Variants in APLP2 observed in about 807,000 individuals in gnomAD.
The protein encoded by APLP2 is CDEI box-binding protein.
A neutral mutation model predicts 89.9 loss-of-function variants in APLP2; 53 were observed. The observed-to-expected ratio is 0.59, with a 90% CI of 0.47 to 0.74. The LOEUF is 0.74. Ranked by LOEUF, APLP2 falls within the 30% of genes least tolerant of loss-of-function variation. The probability of loss-of-function intolerance (pLI) is 0.00; values close to 1 mark genes in which losing one functional copy is unlikely to be tolerated. For synonymous variants in APLP2, 372 were observed against 348.6 expected (o/e 1.07, Z -0.75); for missense variants, 973 against 975.9 (o/e 1.00, Z 0.04).
intron 1 of APLP2, among the ~76,000 whole-genome samples, chr11:130,107,660 G>A (rs7125409): frequency 0.22 from 33,666 of 152,034 alleles, 5,193 homozygotes; most frequent in East Asian, 0.43. Context: ...TGTAGATTCA[G>A]TGCCATCCCC....
At chr11:130,120,146 G>A (rs1192417328) in intron 3 of APLP2, among the ~76,000 whole-genome samples, 2 of 152,192 alleles carry the variant, frequency 1.3e-5, no homozygotes, top group Non-Finnish European at 2.9e-5. Context: ...CAGTTTGCTC[G>A]TTATCAGTGG....
chr11:130,081,464 G>A (rs1943139816), intron 1 of APLP2, among the ~76,000 whole-genome samples: 1 of 152,190 alleles, frequency 6.6e-6, no homozygotes, highest in Admixed American at 6.5e-5. Flanking sequence ...ATAAAAAGGA[G>A]GGAAAATGTT....
intron 1 of APLP2, among the ~76,000 whole-genome samples, chr11:130,079,897 A>G (rs1336118132): frequency 6.6e-6 from 1 of 152,222 alleles, no homozygotes; most frequent in African/African-American, 2.4e-5. Flanking sequence ...AAGAGTTTAT[A>G]TTCTAAGTTT....
rs34805457 is a variant in APLP2 at position 130,138,581 on chromosome 11, G to GTTTT, written c.1838-1796_1838-1793dup. Among the ~76,000 whole-genome samples the GTTTT allele has an allele frequency of 2.2e-3, 201 of 91,392 alleles. 6 individuals carry two copies. The highest frequency in any genetic ancestry group is 7.4e-3 in the African/African-American group (143 of 19,296). The allele number at this position is 91,392 out of a possible 152,430, so 60.0% of individuals were successfully genotyped here. Reference sequence around the variant, plus strand: ...TTATAACAGTCTGGACTGGTGGTAGGTTTTTTTTTTTTTTTTTTTTTTTTG... The same window carrying GTTTT: ...TTATAACAGTCTGGACTGGTGGTAGGTTTTTTTTTTTTTTTTTTTTTTTTTTTTG... On this transcript the variant is annotated intron_variant, in intron 13 of 16. Transcript: ENST00000338167.
chr11:130,141,761 T>C lies in APLP2; in HGVS notation c.1999-158T>C. The C allele has an allele frequency of 1.0e-6, 1 of 967,430 alleles. No individual in the cohort carries two copies. The highest frequency in any genetic ancestry group is 1.5e-6 in the Non-Finnish European group (1 of 656,426). The allele number at this position is 967,430 out of a possible 1,614,324, so 59.9% of individuals were successfully genotyped here. On this transcript the variant is annotated intron_variant, in intron 15 of 16. Coordinates refer to ENST00000338167, the MANE Select transcript of APLP2 (RefSeq NM_001142276.2). This position sits in a 1 kb window ranked among gnomAD's most constrained non-coding sequence, Gnocchi z 4.2. The stretch of plus-strand genomic sequence containing the variant: ...CCATGGAGATTGGGAAGAGTGGGCG[T>C]TCTCCACCTGTGGGTGGTTCCCTGC...
chr11:130,123,664 T>C lies in APLP2; in HGVS notation c.975T>C (p.Arg325=). The stretch of plus-strand genomic sequence containing the variant: ...GGCCCTGCCGGGCCGTGATGCCTCG[T>C]TGGTACTTCGACCTCTCCAAGGGAA... ...MTGPCRAVMP[R]WYFDLSKGKC... is the part of the protein sequence containing the mutation. Residue 325 remains arginine (R), a synonymous_variant, in exon 7 of 17, where the codon CGT becomes CGC. Coordinates refer to ENST00000338167, the MANE Select transcript of APLP2 (RefSeq NM_001142276.2). This position sits in a 1 kb window ranked among gnomAD's most constrained non-coding sequence, Gnocchi z 4.0. 6.2e-7 allele frequency: 1 copy of C among 1,614,276 alleles called. No homozygotes were observed. Among genetic ancestry groups the C allele is most frequent in the Non-Finnish European group, 8.5e-7 (1 of 1,180,042 alleles).
intron 1 of APLP2, among the ~76,000 whole-genome samples, chr11:130,107,378 T>C (rs1947921230): frequency 6.6e-6 from 1 of 152,158 alleles, no homozygotes; most frequent in Non-Finnish European, 1.5e-5. Flanking sequence ...AGTCTCAGGA[T>C]ACAAAATCAA....
intron 13 of APLP2, among the ~76,000 whole-genome samples, chr11:130,138,563 A>C (rs1951916164): frequency 6.8e-6 from 1 of 147,414 alleles, no homozygotes; most frequent in South Asian, 2.1e-4. Context: ...CTATTATAAC[A>C]GTCTGGACTG....
At chr11:130,110,422 T>C in intron 2 of APLP2, 116 bp from the exon 3 acceptor site, 14 of 1,250,938 alleles carry the variant, frequency 1.1e-5, no homozygotes, top group Admixed American at 4.6e-5. Context: ...AGTGGAACTT[T>C]AGATGTATGT....
chr11:130,126,036 G>A (rs373269001), intron 7 of APLP2, among the ~76,000 whole-genome samples: 81 of 152,202 alleles, frequency 5.3e-4, no homozygotes, highest in African/African-American at 1.9e-3. Flanking sequence ...TCTTCATATC[G>A]GTGAAAGGTG....
intron 1 of APLP2, among the ~76,000 whole-genome samples, chr11:130,108,417 AAAG>A (rs1393607986): frequency 3.9e-5 from 6 of 152,376 alleles, no homozygotes; most frequent in Non-Finnish European, 2.9e-5. Flanking sequence ...ACACTTCTCA[AAAG>A]AAGACATTTA....
intron 5 of APLP2, 107 bp downstream of exon 5, chr11:130,121,917 C>T (rs1295030565): frequency 6.7e-7 from 1 of 1,485,288 alleles, no homozygotes; most frequent in East Asian, 2.3e-5. Context: ...ACTGGGCATT[C>T]CTTTGTTCTG....
chr11:130,114,145 G>T (rs1948913895), intron 3 of APLP2: 1 of 151,992 alleles, frequency 6.6e-6, no homozygotes, highest in Admixed American at 6.5e-5. Flanking sequence ...CCCTACTCAG[G>T]TTTCACCTGT....
chr11:130,071,144 A>T (rs1941003056), intron 1 of APLP2, among the ~76,000 whole-genome samples: 1 of 152,258 alleles, frequency 6.6e-6, no homozygotes, highest in South Asian at 2.1e-4. Flanking sequence ...GTTTCTGCAT[A>T]CTTAGCTAAT....
intron 1 of APLP2, among the ~76,000 whole-genome samples, chr11:130,088,726 A>G (rs11221951): frequency 0.1 from 15,285 of 152,028 alleles, 1,175 homozygotes; most frequent in African/African-American, 0.21. Context: ...TATCTCAGTC[A>G]TAATTTGTGT....
chr11:130,140,447 A>G lies in APLP2; in HGVS notation c.1887A>G (p.Lys629=), dbSNP rs1488704764. ...QDGGLIGAEE[K]VINSKNKVDE... ...GGGGACTGATCGGTGCCGAAGAGAA[A>G]GTGATTAACAGTAAGAATAAAGTGG... is the stretch of plus-strand genomic sequence containing the variant. The change falls in exon 14 of 17, where the codon AAA becomes AAG. Residue 629 remains lysine, a synonymous_variant. Transcript: ENST00000338167. The G allele has an allele frequency of 1.2e-6, 2 of 1,611,550 alleles. No homozygotes were observed. Among genetic ancestry groups the G allele is most frequent in the South Asian group, 2.2e-5 (2 of 90,736 alleles).
At chr11:130,088,299 G>T (rs1463555357) in intron 1 of APLP2, among the ~76,000 whole-genome samples, 1 of 152,160 alleles carries the variant, frequency 6.6e-6, no homozygotes, top group African/African-American at 2.4e-5. Context: ...GAAAATCATT[G>T]TTCAGGGAAG....
chr11:130,076,324 C>T (rs1163413588), intron 1 of APLP2, among the ~76,000 whole-genome samples: 2 of 152,228 alleles, frequency 1.3e-5, no homozygotes, highest in Non-Finnish European at 2.9e-5. Flanking sequence ...ATCCAGCCGC[C>T]TCAGCCTCCC....
chr11:130,127,059 C>G (rs1950447937), intron 8 of APLP2, among the ~76,000 whole-genome samples: 1 of 132,142 alleles, frequency 7.6e-6, no homozygotes, highest in African/African-American at 3.7e-5. Context: ...ATACCATTAT[C>G]TGCCCTTTTT....
Sources: allele counts gnomAD v4.1 joint callset (sites outside exome capture counted in the v4.1 genomes callset), GRCh38; gene constraint gnomAD v4.1.1; non-coding constraint Gnocchi (gnomAD v3.1); transcripts MANE v1.5; gene names NCBI Gene and HGNC (gene_info 2026-07-23, HGNC 2026-07-21).